PARD3B: variants seen among roughly 807,000 people sequenced by gnomAD.
PARD3B encodes the protein partitioning defective 3 homolog B.
PARD3B carries 103 observed loss-of-function variants against 130.2 expected under a neutral mutation model. The ratio of observed to expected loss-of-function variants is 0.79; its 90% confidence interval spans 0.67 to 0.93. The LOEUF is 0.93. Among genes scored for constraint, PARD3B ranks in the 40% least tolerant of loss-of-function variants. PARD3B has a pLI of 0.00. For missense variants in PARD3B, 1,609 were observed against 1,499.2 expected, an observed-to-expected ratio of 1.07 and a Z score of -1.21; for synonymous variants, 583 against 553.2, an observed-to-expected ratio of 1.05 and a Z score of -0.76.
chr2:205,587,892 T>G (rs1349385770), intron 22 of PARD3B, among the ~76,000 whole-genome samples: 1 of 152,186 alleles, frequency 6.6e-6, no homozygotes, highest in East Asian at 1.9e-4. Context: ...AGAAGCAGGA[T>G]GAACATGAGA....
intron 2 of PARD3B, among the ~76,000 whole-genome samples, chr2:204,875,662 T>G (rs534004975): frequency 5.9e-5 from 9 of 152,330 alleles, no homozygotes; most frequent in Non-Finnish European, 1.2e-4. Context: ...CTCTTTTATC[T>G]GACAATTTAT....
intron 4 of PARD3B, among the ~76,000 whole-genome samples, chr2:205,097,406 G>T (rs1423214136): frequency 2.0e-5 from 3 of 152,142 alleles, no homozygotes; most frequent in African/African-American, 7.2e-5. Context: ...AGTCATTTCA[G>T]CTTTCTGCGT....
intron 2 of PARD3B, among the ~76,000 whole-genome samples, chr2:204,946,218 G>A (rs1024311496): frequency 6.6e-6 from 1 of 152,182 alleles, no homozygotes; most frequent in Non-Finnish European, 1.5e-5. Flanking sequence ...TGTATGCTCA[G>A]TTCTTAACAC....
At chr2:205,477,115 A>T (rs2049049863) in intron 20 of PARD3B, among the ~76,000 whole-genome samples, 1 of 152,218 alleles carries the variant, frequency 6.6e-6, no homozygotes, top group African/African-American at 2.4e-5. Flanking sequence ...TGAAGCCCTG[A>T]TGCAGGACTT....
intron 2 of PARD3B, among the ~76,000 whole-genome samples, chr2:204,937,702 A>G (rs974605348): frequency 1.3e-5 from 2 of 152,172 alleles, no homozygotes; most frequent in African/African-American, 4.8e-5. Flanking sequence ...TTCGCTCATT[A>G]TGCATATGGC....
At chr2:204,694,219 A>T (rs558495676) in intron 2 of PARD3B, among the ~76,000 whole-genome samples, 2 of 152,092 alleles carry the variant, frequency 1.3e-5, no homozygotes, top group Non-Finnish European at 2.9e-5. Flanking sequence ...ATTGTATTTT[A>T]TCCCAGTCAA....
intron 2 of PARD3B, among the ~76,000 whole-genome samples, chr2:204,783,444 C>A (rs572838108): frequency 3.1e-4 from 47 of 152,074 alleles, no homozygotes; most frequent in Non-Finnish European, 6.0e-4. Flanking sequence ...CATATTACTT[C>A]ATTTAACCTT....
Position 205,146,385 on chromosome 2 carries a change from C to T in PARD3B, c.1435-12337C>T, listed in dbSNP as rs942262842. ...TTACATCAGGCTGGGTGCGGTGGCT[C>T]ACCCCTGTAATCCCAGCATTTTGGG... On this transcript the variant is annotated intron_variant, in intron 10 of 22. Transcript: ENST00000406610. This position sits in a 1 kb window ranked among gnomAD's most constrained non-coding sequence, Gnocchi z 4.3. 6.6e-6 allele frequency among the ~76,000 whole-genome samples: 1 copy of T among 152,104 alleles called. No homozygotes were observed. The highest frequency in any genetic ancestry group is 6.5e-5 in the Admixed American group (1 of 15,280).
intron 2 of PARD3B, among the ~76,000 whole-genome samples, chr2:204,690,841 T>G (rs1032475235): frequency 1.3e-5 from 2 of 152,138 alleles, no homozygotes; most frequent in African/African-American, 4.8e-5. Context: ...GACTGGGCAT[T>G]GAGATCCTGC....
At chr2:204,895,524 A>G (rs181737306) in intron 2 of PARD3B, among the ~76,000 whole-genome samples, 1 of 152,236 alleles carries the variant, frequency 6.6e-6, no homozygotes, top group Non-Finnish European at 1.5e-5. Flanking sequence ...TTATTCTATG[A>G]ACATTTATAC....
At chr2:204,554,048 A>T (rs952766588) in intron 1 of PARD3B, among the ~76,000 whole-genome samples, 11 of 152,096 alleles carry the variant, frequency 7.2e-5, no homozygotes, top group Non-Finnish European at 1.5e-4. Flanking sequence ...GAAATAAAAA[A>T]ATTTTAAAAA....
intron 2 of PARD3B, among the ~76,000 whole-genome samples, chr2:204,930,949 C>T (rs1481350917): frequency 6.6e-6 from 1 of 152,106 alleles, no homozygotes; most frequent in Non-Finnish European, 1.5e-5. Context: ...TATAAGATCT[C>T]TCAGGGCACA....
At chr2:205,072,546 C>A (rs556315178) in intron 4 of PARD3B, among the ~76,000 whole-genome samples, 1 of 152,170 alleles carries the variant, frequency 6.6e-6, no homozygotes, top group Admixed American at 6.5e-5. Context: ...CCTACGGCAC[C>A]CAGCTGAGGA....
intron 1 of PARD3B, among the ~76,000 whole-genome samples, chr2:204,595,320 C>T (rs2125098888): frequency 6.6e-6 from 1 of 152,298 alleles, no homozygotes; most frequent in African/African-American, 2.4e-5. Flanking sequence ...GACAGTGGAC[C>T]TCATGATGAG....
At chr2:204,762,114 C>CTG (rs1559124381) in intron 2 of PARD3B, among the ~76,000 whole-genome samples, 2 of 121,708 alleles carry the variant, frequency 1.6e-5, no homozygotes, top group African/African-American at 6.6e-5. Flanking sequence ...CCTTCTTTTT[C>CTG]TATTTTTTTT....
intron 16 of PARD3B, among the ~76,000 whole-genome samples, chr2:205,259,387 ATCT>A (rs10580293): frequency 0.1 from 15,548 of 151,962 alleles, 1,270 homozygotes; most frequent in East Asian, 0.31. Context: ...CACATTGGAG[ATCT>A]TCTTCTATTG....
chr2:205,047,775 A>C (rs752001862), intron 4 of PARD3B, 85 bp downstream of exon 4: 1 of 860,616 alleles, frequency 1.2e-6, no homozygotes, highest in African/African-American at 1.7e-5. Context: ...TTTTAAACAC[A>C]TTGATAACTA....
chr2:205,123,417 AAG>A (rs2030991906), intron 8 of PARD3B, among the ~76,000 whole-genome samples: 1 of 152,108 alleles, frequency 6.6e-6, no homozygotes. Flanking sequence ...TGATATCAAA[AAG>A]AGACATTGGA....
intron 2 of PARD3B, among the ~76,000 whole-genome samples, chr2:204,708,209 C>T (rs991332145): frequency 1.1e-4 from 16 of 152,010 alleles, no homozygotes; most frequent in African/African-American, 3.9e-4. Context: ...AGAGTCTCAC[C>T]ATGTTGCCCA....
Sources: gnomAD v4.1 joint callset for allele counts (sites outside exome capture counted in the v4.1 genomes callset) on GRCh38, gnomAD v4.1.1 for gene constraint, Gnocchi (gnomAD v3.1) non-coding constraint, MANE v1.5 for transcripts, NCBI Gene and HGNC (gene_info 2026-07-23, HGNC 2026-07-21) for gene names.